PCDH11X: variants seen among roughly 807,000 people sequenced by gnomAD.
PCDH11X encodes the protein protocadherin 11 X-linked.
PCDH11X carries 18 observed loss-of-function variants against 53.3 expected under a neutral mutation model. The ratio of observed to expected loss-of-function variants is 0.34; its 90% CI spans 0.23 to 0.50. The LOEUF (loss-of-function observed/expected upper bound fraction) is 0.50. Ranked by LOEUF, PCDH11X falls within the 20% of genes least tolerant of loss-of-function variation. The pLI, the probability that PCDH11X is intolerant of heterozygous loss-of-function variation, is 0.98. For synonymous variants in PCDH11X, 279 were observed against 393.3 expected, an observed-to-expected ratio of 0.71 and a Z score of 3.44; for missense variants, 570 against 1,032.4, an observed-to-expected ratio of 0.55 and a Z score of 6.14.
intron 4 of PCDH11X, among the ~76,000 whole-genome samples, chrX:91,814,190 C>G (rs1393127000): frequency 1.8e-5 from 2 of 110,283 alleles, no homozygotes; most frequent in Non-Finnish European, 3.8e-5. Context: ...TATACTTGTT[C>G]TTTAAAAATT....
rs1254574799 is a variant in PCDH11X at position 91,852,889 on chromosome X, G to A, written c.540+16845G>A. On this transcript the variant is annotated intron_variant, in intron 5 of 10. Transcript: ENST00000682573. ...CTCACCCTTACACATATTCATAAGA[G>A]AGGATTTTGTATTTTATAGAAAGAT... 2.9e-5 allele frequency among the ~76,000 whole-genome samples: 3 copies of A among 103,022 alleles called. No homozygotes were observed. The East Asian group carries it at 9.1e-4, about 31-fold the overall frequency. 89.5% of individuals were successfully genotyped at this position (103,022 alleles called of 115,157 possible). A position where few individuals can be genotyped will look rare whatever the true frequency, so the allele number is the denominator to read the frequency against.
intron 8 of PCDH11X, among the ~76,000 whole-genome samples, chrX:92,319,396 C>T (rs999433558): frequency 1.8e-5 from 2 of 112,355 alleles, no homozygotes; most frequent in Non-Finnish European, 1.9e-5. Flanking sequence ...AGGTTTTAGA[C>T]ATTCAGTAAG....
chrX:92,152,798 T>TG (rs55669013), intron 6 of PCDH11X, among the ~76,000 whole-genome samples: 17 of 109,242 alleles, frequency 1.6e-4, no homozygotes, highest in South Asian at 7.7e-4. Flanking sequence ...TATGTATGTA[T>TG]TTATTTATTT....
At chrX:92,130,644 C>T (rs1370123772) in intron 6 of PCDH11X, among the ~76,000 whole-genome samples, 1 of 82,172 alleles carries the variant, frequency 1.2e-5, no homozygotes, top group East Asian at 4.1e-4. Context: ...GAGTGAAACT[C>T]TGTCTCAAAA....
intron 7 of PCDH11X, among the ~76,000 whole-genome samples, chrX:92,210,532 C>G (rs1208593870): frequency 9.0e-6 from 1 of 110,794 alleles, no homozygotes; most frequent in Non-Finnish European, 1.9e-5. Flanking sequence ...AGCAACTGTG[C>G]CCGGCCCCCG....
intron 10 of PCDH11X, among the ~76,000 whole-genome samples, chrX:92,603,483 A>C (rs956982915): frequency 1.0e-5 from 1 of 97,678 alleles, no homozygotes; most frequent in African/African-American, 3.8e-5. Flanking sequence ...AATTTAATGA[A>C]GTCTGATAAA....
intron 6 of PCDH11X, among the ~76,000 whole-genome samples, chrX:92,056,023 A>G (rs189206927): frequency 9.1e-6 from 1 of 109,793 alleles, no homozygotes; most frequent in African/African-American, 3.3e-5. Flanking sequence ...TTTATAATAG[A>G]ATGATTTATA....
intron 10 of PCDH11X, among the ~76,000 whole-genome samples, chrX:92,534,786 T>C (rs1602275638): frequency 9.0e-6 from 1 of 111,707 alleles, no homozygotes; most frequent in Admixed American, 9.5e-5. Context: ...ACCCAGAATT[T>C]CATATCCAGC....
intron 1 of PCDH11X, among the ~76,000 whole-genome samples, chrX:91,781,510 G>T (rs1419220325): frequency 8.8e-6 from 1 of 113,118 alleles, no homozygotes; most frequent in Non-Finnish European, 1.9e-5. Context: ...ACTCAAAATA[G>T]AAAAGGAAAC....
intron 1 of PCDH11X, among the ~76,000 whole-genome samples, chrX:91,807,228 A>G (rs1189948849): frequency 1.8e-5 from 2 of 108,413 alleles, no homozygotes; most frequent in Admixed American, 1.0e-4. Flanking sequence ...GTGTGCCTGT[A>G]GTCCTAGTTG....
intron 8 of PCDH11X, among the ~76,000 whole-genome samples, chrX:92,282,340 C>T (rs190021265): frequency 6.3e-5 from 7 of 111,324 alleles, no homozygotes; most frequent in South Asian, 7.4e-4. Flanking sequence ...AGGATTTTAA[C>T]CCTCACATAG....
At chrX:91,782,063 T>G (rs1305162539) in intron 1 of PCDH11X, among the ~76,000 whole-genome samples, 1 of 109,280 alleles carries the variant, frequency 9.2e-6, no homozygotes, top group Non-Finnish European at 1.9e-5. Context: ...GCCCGGCCGA[T>G]GGGAAGCCGA....
rs756703584 is a variant in PCDH11X, at chrX:92,387,947, C to T, written c.3343+14C>T. 9 of 1,199,422 alleles carry T rather than the reference C, an allele frequency of 7.5e-6. No individual in the cohort carries two copies. In the East Asian group the frequency reaches 2.4e-4, roughly 32 times the overall value. On this transcript the variant is annotated intron_variant, in intron 9 of 10. Transcript: ENST00000682573. ...ATCCTGAATCTAGTAAGTGATACCT[C>T]TCTGGTTCCTCAATATAAACGGGCT...
chrX:91,859,979 G>GT (rs201857817), intron 5 of PCDH11X, among the ~76,000 whole-genome samples: 99 of 109,446 alleles, frequency 9.0e-4, no homozygotes, highest in Admixed American at 1.9e-3. Flanking sequence ...TTTTAAAATA[G>GT]TTTTTTTTTC....
intron 5 of PCDH11X, among the ~76,000 whole-genome samples, chrX:91,836,621 A>G (rs145968286): frequency 0.01 from 1,128 of 110,949 alleles, 17 homozygotes; most frequent in African/African-American, 0.035. Flanking sequence ...ATTGAGATTA[A>G]ATTTTAGTCA....
chrX:91,790,135 G>A (rs1481787713), intron 1 of PCDH11X, among the ~76,000 whole-genome samples: 1 of 107,862 alleles, frequency 9.3e-6, no homozygotes, highest in Non-Finnish European at 1.9e-5. Flanking sequence ...ATGGATGAAA[G>A]TTTTAAATTC....
At position 91,823,430 on chromosome X, in the gene PCDH11X, G is replaced by A. The variant is rs1396364280; in HGVS notation, c.-44-12031G>A. Among the ~76,000 whole-genome samples, 355 of 111,136 alleles carry A rather than the reference G, an allele frequency of 3.2e-3. 3 individuals are homozygous for A. The highest frequency in any genetic ancestry group is 0.011 in the African/African-American group (347 of 30,524). On this transcript the variant is annotated intron_variant, in intron 4 of 10. Transcript: ENST00000682573. ...ATTGATCCCTTTACCATTATGGAAT[G>A]GCCTTCTTTGTCTCTTTTGATCTTT...
At chrX:91,927,776 A>G (rs1011617107) in intron 6 of PCDH11X, among the ~76,000 whole-genome samples, 13 of 111,310 alleles carry the variant, frequency 1.2e-4, no homozygotes, top group African/African-American at 3.6e-4. Context: ...GAAGCAGGGG[A>G]AAAAAATCAT....
intron 6 of PCDH11X, among the ~76,000 whole-genome samples, chrX:91,975,719 G>GA (rs952841524): frequency 9.0e-6 from 1 of 110,993 alleles, no homozygotes; most frequent in Non-Finnish European, 1.9e-5. Flanking sequence ...CAAGCAGGGG[G>GA]AAAGGATCAA....
Sources: allele counts gnomAD v4.1 joint callset (sites outside exome capture counted in the v4.1 genomes callset), GRCh38; gene constraint gnomAD v4.1.1; transcripts MANE v1.5; gene names NCBI Gene and HGNC (gene_info 2026-07-23, HGNC 2026-07-21).